The following ONECUT3 variants were observed in gnomAD, a reference collection of about 807,000 sequenced individuals.
ONECUT3 encodes the protein one cut homeobox 3.
Under a neutral mutation model 16.8 loss-of-function variants are expected in ONECUT3, and 11 were observed. The ratio of observed to expected loss-of-function variants is 0.66; its 90% confidence interval spans 0.41 to 1.09. The LOEUF (loss-of-function observed/expected upper bound fraction) is 1.09, where lower values mean the gene tolerates loss of function less well. ONECUT3 is among the 50% of genes least tolerant of loss of function. The pLI, the probability that ONECUT3 is intolerant of heterozygous loss-of-function variation, is 0.00. For synonymous variants in ONECUT3, 344 were observed against 310.7 expected, an observed-to-expected ratio of 1.11 and a Z score of -1.13; for missense variants, 637 against 629.9, an observed-to-expected ratio of 1.01 and a Z score of -0.12.
intron 1 of ONECUT3, among the ~76,000 whole-genome samples, chr19:1,768,606 ACT>A (rs1401059343): frequency 6.6e-6 from 1 of 152,062 alleles, no homozygotes; most frequent in Non-Finnish European, 1.5e-5. Flanking sequence ...GTTGGGGGCC[ACT>A]CTCTATCCCC....
intron 1 of ONECUT3, among the ~76,000 whole-genome samples, chr19:1,769,495 C>A (rs975705438): frequency 7.2e-5 from 11 of 152,220 alleles, no homozygotes; most frequent in South Asian, 4.1e-4. Context: ...CAGTCCTTCT[C>A]TCCAAGTCTC....
rs2067932155 is a variant in ONECUT3 at position 1,758,908 on chromosome 19, T to C, written c.1192+4054T>C. Among the ~76,000 whole-genome samples, 2 of 152,124 alleles carry C rather than the reference T, an allele frequency of 1.3e-5. No homozygotes were observed. The highest frequency in any genetic ancestry group is 1.3e-4 in the Admixed American group (2 of 15,276). On this transcript the variant is annotated intron_variant, in intron 1 of 1. Transcript: ENST00000382349. The surrounding 1 kb of genome is among the most constrained non-coding windows in gnomAD (Gnocchi z 5.9). ...AAATTGCAACTCCGGAGGAAAAGTA[T>C]TTTTTGTAACTGATCAGAAAAAAAA...
At chr19:1,768,956 C>CTGGAGGTGGACGTAATGGAGGTGGAAG (rs1356387787) in intron 1 of ONECUT3, among the ~76,000 whole-genome samples, 1 of 102,556 alleles carries the variant, frequency 9.8e-6, no homozygotes, top group African/African-American at 3.7e-5. Context: ...GGTAGAGGTG[C>CTGGAGGTGGACGTAATGGAGGTGGAAG]TGGAGGTGGA....
Position 1,754,227 on chromosome 19 carries a change from G to T in ONECUT3, c.565G>T (p.Gly189Cys). 9.1e-7 allele frequency: 1 copy of T among 1,098,748 alleles called. No homozygotes were observed. Among genetic ancestry groups the T allele is most frequent in the Non-Finnish European group, 1.1e-6 (1 of 899,960 alleles). 68.1% of individuals were successfully genotyped at this position (1,098,748 alleles called of 1,614,324 possible). A position where few individuals can be genotyped will look rare whatever the true frequency, so the allele number is the denominator to read the frequency against. The change falls in exon 1 of 2, where the codon GGC (glycine) becomes TGC (cysteine). Residue 189 changes from glycine (G) to cysteine (C), a missense_variant. Physicochemically the swap from Gly to Cys is radical, Grantham distance 159. Transcript: ENST00000382349. The surrounding 1 kb of genome is among the most constrained non-coding windows in gnomAD (Gnocchi z 7.4). The part of the protein sequence containing the change: ...ASVGHLYGPY[G>C]KELPAMGSPL... ...CGTGGGCCACCTCTACGGACCCTAC[G>T]GCAAGGAGCTGCCCGCCATGGGGTC...
rs1160901911 is a variant in ONECUT3, at chr19:1,764,745, C to A, written c.1192+9891C>A. ...ATGTGACCCGGGCCCCCCACAGTAA[C>A]TGGACATGTGACCTTGGGCAAGTCA... is the stretch of plus-strand genomic sequence containing the variant. On this transcript the variant is annotated intron_variant, in intron 1 of 1. Coordinates refer to ENST00000382349, the MANE Select transcript of ONECUT3 (RefSeq NM_001080488.2). This position sits in a 1 kb window ranked among gnomAD's most constrained non-coding sequence, Gnocchi z 5.0. 6.7e-6 allele frequency among the ~76,000 whole-genome samples: 1 copy of A among 148,774 alleles called. No homozygotes were observed. The highest frequency in any genetic ancestry group is 2.5e-5 in the African/African-American group (1 of 39,568).
chr19:1,753,730 T>G lies in ONECUT3; in HGVS notation c.68T>G (p.Leu23Arg). 1 of 1,030,326 alleles carries G rather than the reference T, an allele frequency of 9.7e-7. No individual in the cohort carries two copies. The highest frequency in any genetic ancestry group is 1.2e-6 in the Non-Finnish European group (1 of 861,728). The allele number at this position is 1,030,326 out of a possible 1,614,324, so 63.8% of individuals were successfully genotyped here. The change falls in exon 1 of 2, where the codon CTG (leucine) becomes CGG (arginine). Residue 23 changes from leucine (L) to arginine (R), a missense_variant. Leu to Arg is a moderately radical substitution (Grantham distance 102). This residue lies in a region of ONECUT3 where 419 missense variants were observed against 377.9 expected (regional missense o/e 1.11). Transcript: ENST00000382349. ...SVAHAQAGEL[L>R]SPGHARSAAA... ...GCCCACGCGCAGGCGGGCGAGCTGC[T>G]GAGCCCGGGCCACGCGCGCTCGGCG...
In ONECUT3 at chr19:1,766,691, C is replaced by T. The variant is rs554447100; in HGVS notation, c.1193-8462C>T. ...TTGCAGCAATGACTGAATTCAGGGC[C>T]CCTACTCAGCTACTGGCTTCCTGCT... On this transcript the variant is annotated intron_variant, in intron 1 of 1. Transcript: ENST00000382349. This position sits in a 1 kb window ranked among gnomAD's most constrained non-coding sequence, Gnocchi z 4.0. Among the ~76,000 whole-genome samples, 43 of 151,982 alleles carry T rather than the reference C, an allele frequency of 2.8e-4. No individual in the cohort carries two copies. The highest frequency in any genetic ancestry group is 4.6e-4 in the Non-Finnish European group (31 of 67,942).
chr19:1,766,811 C>G lies in ONECUT3; in HGVS notation c.1193-8342C>G, dbSNP rs527814840. On this transcript the variant is annotated intron_variant, in intron 1 of 1. Transcript: ENST00000382349. This position sits in a 1 kb window ranked among gnomAD's most constrained non-coding sequence, Gnocchi z 4.0. ...GGGTCTTGCAGGCTGGGCTGAGACC[C>G]CCCCCCCATGCTCCACCACCCTCGT... Among the ~76,000 whole-genome samples, 308 of 147,102 alleles carry G rather than the reference C, an allele frequency of 2.1e-3. 2 individuals are homozygous for G. Among genetic ancestry groups the G allele is most frequent in the Middle Eastern group, 6.8e-3 (2 of 292 alleles).
chr19:1,766,037 G>A lies in ONECUT3; in HGVS notation c.1193-9116G>A, dbSNP rs931937435. Among the ~76,000 whole-genome samples, 4 of 152,244 alleles carry A rather than the reference G, an allele frequency of 2.6e-5. No homozygotes were observed. The highest frequency in any genetic ancestry group is 5.9e-5 in the Non-Finnish European group (4 of 68,038). Reference sequence around the variant, plus strand: ...GTTGCCTCATCCACCGCCCGTCCAAGGCCCCACAAGCTGATGCCGGTTTTC... The same window carrying A: ...GTTGCCTCATCCACCGCCCGTCCAAAGCCCCACAAGCTGATGCCGGTTTTC... On this transcript the variant is annotated intron_variant, in intron 1 of 1. Coordinates refer to ENST00000382349, the MANE Select transcript of ONECUT3 (RefSeq NM_001080488.2). This position sits in a 1 kb window ranked among gnomAD's most constrained non-coding sequence, Gnocchi z 4.0.
In ONECUT3 at chr19:1,755,399, T is replaced by C. The variant is rs1328980501; in HGVS notation, c.1192+545T>C. Among the ~76,000 whole-genome samples the C allele has an allele frequency of 1.3e-5, 2 of 149,306 alleles. No homozygotes were observed. The highest frequency in any genetic ancestry group is 3.0e-5 in the Non-Finnish European group (2 of 67,152). On this transcript the variant is annotated intron_variant, in intron 1 of 1. Transcript: ENST00000382349. This position sits in a 1 kb window ranked among gnomAD's most constrained non-coding sequence, Gnocchi z 7.5. ...CCGAGCCCGCGCTCATCCCCCCACC[T>C]GCCCCAGCGCGCGCTTCTTTGTAGT...
chr19:1,760,218 C>T (rs79270920), intron 1 of ONECUT3, among the ~76,000 whole-genome samples: 3,243 of 152,338 alleles, frequency 0.021, 61 homozygotes, highest in Non-Finnish European at 0.036. Flanking sequence ...GCGGAGTCAG[C>T]TTCCGCTAGG....
rs1389308548 is a variant in ONECUT3 at position 1,753,737 on chromosome 19, G to C, written c.75G>C (p.Pro25=). 6.8e-6 allele frequency: 7 copies of C among 1,028,084 alleles called. No individual in the cohort carries two copies. The highest frequency in any genetic ancestry group is 1.7e-4 in the East Asian group (2 of 11,610). 63.7% of individuals were successfully genotyped at this position (1,028,084 alleles called of 1,614,324 possible). Reference sequence around the variant, plus strand: ...CGCAGGCGGGCGAGCTGCTGAGCCCGGGCCACGCGCGCTCGGCGGCGGCGC... The same window carrying C: ...CGCAGGCGGGCGAGCTGCTGAGCCCCGGCCACGCGCGCTCGGCGGCGGCGC... ...AHAQAGELLS[P]GHARSAAAQH... is the part of the protein sequence containing the mutation. Residue 25 remains proline, a synonymous_variant, in exon 1 of 2, where the codon CCG becomes CCC. Transcript: ENST00000382349.
chr19:1,765,527 C>T (rs2145962179), intron 1 of ONECUT3, among the ~76,000 whole-genome samples: 1 of 152,282 alleles, frequency 6.6e-6, no homozygotes, highest in Admixed American at 6.5e-5. Flanking sequence ...CCCAGGCAGC[C>T]GCCGCTTCAC....
chr19:1,774,483 C>T (rs746614152), intron 1 of ONECUT3, among the ~76,000 whole-genome samples: 1 of 151,992 alleles, frequency 6.6e-6, no homozygotes, highest in African/African-American at 2.4e-5. Context: ...GGGAAGGCTG[C>T]TGGGTTTTGT....
Position 1,759,842 on chromosome 19 carries a change from G to T in ONECUT3, c.1192+4988G>T, listed in dbSNP as rs2145958523. ...CCGTAGGTTTCCACAGGGATGCACG[G>T]AGTGTGGATAGACCGAGACCGTGCC... On this transcript the variant is annotated intron_variant, in intron 1 of 1. Coordinates refer to ENST00000382349, the MANE Select transcript of ONECUT3 (RefSeq NM_001080488.2). The surrounding 1 kb of genome is among the most constrained non-coding windows in gnomAD (Gnocchi z 4.1). Among the ~76,000 whole-genome samples, 1 of 152,314 alleles carries T rather than the reference G, an allele frequency of 6.6e-6. No individual in the cohort carries two copies. The highest frequency in any genetic ancestry group is 2.1e-4 in the South Asian group (1 of 4,824).
rs555570050 is a variant in ONECUT3, at chr19:1,755,835, C to T, written c.1192+981C>T. On this transcript the variant is annotated intron_variant, in intron 1 of 1. Coordinates refer to ENST00000382349, the MANE Select transcript of ONECUT3 (RefSeq NM_001080488.2). The surrounding 1 kb of genome is among the most constrained non-coding windows in gnomAD (Gnocchi z 7.5). ...CCAGCTGACAACAGCTAAGTCCACA[C>T]CTGCCCTCTGACAGGCAGCCCGGCC... is the stretch of plus-strand genomic sequence containing the variant. Among the ~76,000 whole-genome samples the T allele has an allele frequency of 1.1e-3, 162 of 152,348 alleles. No individual in the cohort carries two copies. The highest frequency in any genetic ancestry group is 3.8e-3 in the African/African-American group (158 of 41,580).
Position 1,775,821 on chromosome 19 carries a change from T to G in ONECUT3, c.*376T>G. ...GGTCAAGAAGCACATACTAGAAATA[T>G]AAACCGGGTATTTAAAAATGGAATT... On this transcript the variant is annotated 3_prime_UTR_variant, in exon 2 of 2. Coordinates refer to ENST00000382349, the MANE Select transcript of ONECUT3 (RefSeq NM_001080488.2). 1 of 162,090 alleles carries G rather than the reference T, an allele frequency of 6.2e-6. No homozygotes were observed. Among genetic ancestry groups the G allele is most frequent in the East Asian group, 1.8e-4 (1 of 5,672 alleles). The allele number at this position is 162,090 out of a possible 1,614,324, so 10.0% of individuals were successfully genotyped here.
intron 1 of ONECUT3, 27 bp from the exon 2 acceptor site, chr19:1,775,126 G>GGC: frequency 1.7e-6 from 2 of 1,143,890 alleles, no homozygotes; most frequent in Non-Finnish European, 2.4e-6. Context: ...TGTCCCGCTC[G>GGC]CCCGCCCGCC....
intron 1 of ONECUT3, 130 bp from the exon 2 acceptor site, chr19:1,775,023 G>A (rs1346956730): frequency 3.4e-6 from 2 of 595,818 alleles, no homozygotes; most frequent in Non-Finnish European, 5.7e-6. Context: ...ATGTGCATTC[G>A]CCTTTCCCCA....
Sources: allele counts gnomAD v4.1 joint callset (sites outside exome capture counted in the v4.1 genomes callset), GRCh38; gene constraint gnomAD v4.1.1; regional missense constraint gnomAD v4.1.1; non-coding constraint Gnocchi (gnomAD v3.1); transcripts MANE v1.5; gene names NCBI Gene and HGNC (gene_info 2026-07-23, HGNC 2026-07-21).